CATSPERE: variants seen among roughly 807,000 people sequenced by gnomAD.
CATSPERE encodes the protein catsper channel auxiliary subunit epsilon, also known as cation channel sperm-associated auxiliary subunit epsilon.
CATSPERE carries 93 observed loss-of-function variants against 114.1 expected under a neutral mutation model. The ratio of observed to expected loss-of-function variants is 0.81; its 90% confidence interval spans 0.69 to 0.97. The LOEUF (loss-of-function observed/expected upper bound fraction) is 0.97. CATSPERE is among the 50% of genes least tolerant of loss of function. The pLI is 0.00. For missense variants in CATSPERE, 1,058 were observed against 1,131.6 expected, an observed-to-expected ratio of 0.93 and a Z score of 0.93; for synonymous variants, 341 against 384.1, an observed-to-expected ratio of 0.89 and a Z score of 1.31.
At chr1:244,595,670 G>A (rs1199560615) in intron 17 of CATSPERE, among the ~76,000 whole-genome samples, 2 of 152,152 alleles carry the variant, frequency 1.3e-5, no homozygotes, top group African/African-American at 4.8e-5. Context: ...AGTGGCTCAC[G>A]CCTGTAATCC....
intron 8 of CATSPERE, among the ~76,000 whole-genome samples, chr1:244,528,401 GA>G (rs1679009833): frequency 6.6e-6 from 1 of 152,150 alleles, no homozygotes; most frequent in Admixed American, 6.5e-5. Context: ...AATCATAGAG[GA>G]AAGGTAAAGT....
upstream of CATSPERE, among the ~76,000 whole-genome samples, chr1:244,458,804 G>T (rs1666386098): frequency 6.6e-6 from 1 of 152,172 alleles, no homozygotes; most frequent in Admixed American, 6.5e-5. Flanking sequence ...TTTTGTAACA[G>T]AACACAATTG....
intron 20 of CATSPERE, among the ~76,000 whole-genome samples, chr1:244,627,852 C>A (rs903336448): frequency 5.9e-5 from 9 of 152,194 alleles, no homozygotes; most frequent in African/African-American, 2.2e-4. Flanking sequence ...CAGAAGTAAA[C>A]AATTCATAGA....
chr1:244,497,046 T>C (rs1379678633), intron 6 of CATSPERE, among the ~76,000 whole-genome samples: 1 of 152,216 alleles, frequency 6.6e-6, no homozygotes, highest in East Asian at 1.9e-4. Flanking sequence ...AAGCAAAGAT[T>C]GGAGTCATAC....
rs1273606968 is a variant in CATSPERE, at chr1:244,568,169, G to A, written c.1508-4161G>A. On this transcript the variant is annotated intron_variant, in intron 10 of 21. Coordinates refer to ENST00000366534, the MANE Select transcript of CATSPERE (RefSeq NM_001130957.2). This position sits in a 1 kb window ranked among gnomAD's most constrained non-coding sequence, Gnocchi z 4.4. ...CCTGTTTGCCTGGGTATCACCAGCAGAGACTGCAGAACAGCAAAGATTGCT... is the reference window on the plus strand; with the variant it reads ...CCTGTTTGCCTGGGTATCACCAGCAAAGACTGCAGAACAGCAAAGATTGCT... Among the ~76,000 whole-genome samples the A allele has an allele frequency of 6.6e-6, 1 of 152,212 alleles. No individual in the cohort carries two copies. Among genetic ancestry groups the A allele is most frequent in the Non-Finnish European group, 1.5e-5 (1 of 68,028 alleles).
upstream of CATSPERE, chr1:244,451,909 G>C (rs1665632132): frequency 3.8e-6 from 5 of 1,317,956 alleles, no homozygotes; most frequent in South Asian, 3.2e-5. This position sits in a 1 kb window ranked among gnomAD's most constrained non-coding sequence, Gnocchi z 6.6. Context: ...CACATGCAGA[G>C]GAAGAAGGAG....
intron 13 of CATSPERE, 116 bp downstream of exon 13, chr1:244,584,055 A>G: frequency 7.3e-6 from 5 of 689,108 alleles, no homozygotes; most frequent in Admixed American, 2.5e-5. Flanking sequence ...TCCATACAAT[A>G]CCTCCATAGA....
chr1:244,578,709 A>G (rs1665670914), intron 11 of CATSPERE, among the ~76,000 whole-genome samples: 1 of 149,408 alleles, frequency 6.7e-6, no homozygotes, highest in African/African-American at 2.5e-5. Flanking sequence ...CTCTCTCTAT[A>G]TATACAGGTA....
intron 2 of CATSPERE, among the ~76,000 whole-genome samples, chr1:244,473,222 A>G: frequency 6.6e-6 from 1 of 152,176 alleles, no homozygotes. Flanking sequence ...CTACATTGTC[A>G]CCAGCAATGA....
intron 15 of CATSPERE, among the ~76,000 whole-genome samples, chr1:244,592,269 C>T (rs536791597): frequency 4.2e-4 from 64 of 152,094 alleles, no homozygotes; most frequent in African/African-American, 1.1e-3. Context: ...TATATTTACC[C>T]GGAAAGTCCT....
chr1:244,573,545 C>T lies in CATSPERE; in HGVS notation c.1950+773C>T, dbSNP rs894311198. On this transcript the variant is annotated intron_variant, in intron 11 of 21. Transcript: ENST00000366534. The surrounding 1 kb of genome is among the most constrained non-coding windows in gnomAD (Gnocchi z 4.0). ...GATGTGATGTGGGCATCTGCTAATT[C>T]GTCTGCAACTACATGACCTAAGATG... is the stretch of plus-strand genomic sequence containing the variant. 6.6e-5 allele frequency among the ~76,000 whole-genome samples: 10 copies of T among 152,170 alleles called. No homozygotes were observed. Among genetic ancestry groups the T allele is most frequent in the Admixed American group, 1.3e-4 (2 of 15,278 alleles).
chr1:244,589,125 A>G (rs1204287481), intron 14 of CATSPERE, among the ~76,000 whole-genome samples: 6 of 152,142 alleles, frequency 3.9e-5, no homozygotes, highest in African/African-American at 1.2e-4. Context: ...TTTCTTCTAC[A>G]TGGGAGAAAA....
intron 12 of CATSPERE, 84 bp downstream of exon 12, chr1:244,581,938 G>T: frequency 5.3e-6 from 3 of 564,850 alleles, no homozygotes; most frequent in Non-Finnish European, 6.2e-6. Flanking sequence ...TTATTTAAAT[G>T]GCCTCATATT....
rs1428008063 is a variant in CATSPERE at position 244,572,266 on chromosome 1, A to T, written c.1508-64A>T. 5 of 796,924 alleles carry T rather than the reference A, an allele frequency of 6.3e-6. 1 individual carries two copies. In the South Asian group the frequency reaches 7.5e-5, roughly 12 times the overall value. 49.4% of individuals were successfully genotyped at this position (796,924 alleles called of 1,614,324 possible). A position where few individuals can be genotyped will look rare whatever the true frequency, so the allele number is the denominator to read the frequency against. ...AAGAAATTATTTTGGTTAAAAGTAC[A>T]CTTAACTAAAACAGCACGATTTATG... On this transcript the variant is annotated intron_variant, in intron 10 of 21. Coordinates refer to ENST00000366534, the MANE Select transcript of CATSPERE (RefSeq NM_001130957.2).
chr1:244,561,227 T>C, intron 10 of CATSPERE, 82 bp downstream of exon 10: 1 of 1,047,820 alleles, frequency 9.5e-7, no homozygotes, highest in South Asian at 1.5e-5. Context: ...CTTTTTAATG[T>C]ACCAATGTGT....
At chr1:244,455,361 C>T (rs1347982670) in intron 1 of CATSPERE, among the ~76,000 whole-genome samples, 1 of 152,120 alleles carries the variant, frequency 6.6e-6, no homozygotes, top group Non-Finnish European at 1.5e-5. Flanking sequence ...AACTGCTTAC[C>T]ATCTCTTTGA....
rs1291229844 is a variant in CATSPERE at position 244,640,090 on chromosome 1, A to G, written c.*9A>G. The stretch of plus-strand genomic sequence containing the variant: ...AACGTAAGAAGAATTAGGAAAACTG[A>G]AAGTTTGTTTATTACAGATATATGC... On this transcript the variant is annotated 3_prime_UTR_variant, in exon 22 of 22. Coordinates refer to ENST00000366534, the MANE Select transcript of CATSPERE (RefSeq NM_001130957.2). The G allele has an allele frequency of 4.5e-6, 7 of 1,542,016 alleles. No homozygotes were observed. Among genetic ancestry groups the G allele is most frequent in the Non-Finnish European group, 6.1e-6 (7 of 1,139,576 alleles).
At chr1:244,526,900 C>T (rs575290001) in intron 8 of CATSPERE, among the ~76,000 whole-genome samples, 1 of 152,134 alleles carries the variant, frequency 6.6e-6, no homozygotes, top group East Asian at 1.9e-4. Flanking sequence ...TTCCGTGATG[C>T]CCCCCAAGCC....
At chr1:244,587,401 C>A (rs1428425187) in intron 13 of CATSPERE, among the ~76,000 whole-genome samples, 3 of 152,154 alleles carry the variant, frequency 2.0e-5, no homozygotes, top group Non-Finnish European at 4.4e-5. Context: ...TATCAAATGC[C>A]CTTCTTGGGC....
Sources: allele counts gnomAD v4.1 joint callset (sites outside exome capture counted in the v4.1 genomes callset), GRCh38; gene constraint gnomAD v4.1.1; non-coding constraint Gnocchi (gnomAD v3.1); transcripts MANE v1.5; gene names NCBI Gene and HGNC (gene_info 2026-07-23, HGNC 2026-07-21).